SVEP1: variants seen among roughly 807,000 people sequenced by gnomAD.
SVEP1 encodes sushi, von Willebrand factor type A, EGF and pentraxin domain-containing protein 1.
In SVEP1, 164 loss-of-function variants were observed where a neutral mutation model predicts 367.3. The observed-to-expected ratio is 0.45, with a 90% CI of 0.39 to 0.51. The LOEUF (loss-of-function observed/expected upper bound fraction) is 0.51, where lower values mean the gene tolerates loss of function less well. Ranked by LOEUF, SVEP1 falls within the 20% of genes least tolerant of loss-of-function variation. The pLI, the probability that SVEP1 is intolerant of heterozygous loss-of-function variation, is 0.00. For missense variants in SVEP1, 4,117 were observed against 4,425.3 expected, an observed-to-expected ratio of 0.93 and a Z score of 1.98; for synonymous variants, 1,666 against 1,611.6, an observed-to-expected ratio of 1.03 and a Z score of -0.81.
intron 3 of SVEP1, among the ~76,000 whole-genome samples, chr9:110,530,089 C>T (rs190248573): frequency 1.6e-3 from 236 of 152,134 alleles, no homozygotes; most frequent in African/African-American, 5.5e-3. Flanking sequence ...TTATCAAATG[C>T]TTTTTCTCCA....
intron 3 of SVEP1, among the ~76,000 whole-genome samples, chr9:110,515,753 A>C (rs1036100955): frequency 1.3e-5 from 2 of 152,208 alleles, no homozygotes; most frequent in Non-Finnish European, 2.9e-5. Context: ...GAGAGATTCA[A>C]TGACGACTAT....
intron 1 of SVEP1, among the ~76,000 whole-genome samples, chr9:110,562,977 G>C (rs1482323112): frequency 6.6e-6 from 1 of 152,154 alleles, no homozygotes; most frequent in Non-Finnish European, 1.5e-5. Flanking sequence ...TTTTATGTGA[G>C]AAGTTTAGCT....
In SVEP1 at chr9:110,513,067, A is replaced by C; in HGVS notation, c.1162T>G (p.Tyr388Asp). The C allele has an allele frequency of 6.2e-7, 1 of 1,614,000 alleles. No individual in the cohort carries two copies. Among genetic ancestry groups the C allele is most frequent in the Non-Finnish European group, 8.5e-7 (1 of 1,179,868 alleles). Residue 388 changes from tyrosine (Y) to aspartate (D), a missense_variant, in exon 5 of 48, where the codon TAC becomes GAC. This residue lies in a region of SVEP1 where 2,174 missense variants were observed against 2,494.3 expected (regional missense o/e 0.87). Transcript: ENST00000374469. Reference sequence around the variant, plus strand: ...TTGTTGCAAGTGTTTTGGATAAAGTAACCATTTTCGGGAGGCTTCAGGGCA... The same window carrying C: ...TTGTTGCAAGTGTTTTGGATAAAGTCACCATTTTCGGGAGGCTTCAGGGCA... ...CPALKPPENGYFIQNTCNNHF... is the reference protein window; with the variant it reads ...CPALKPPENGDFIQNTCNNHF...
At chr9:110,578,457 T>C (rs1033580422) in intron 1 of SVEP1, among the ~76,000 whole-genome samples, 1 of 152,086 alleles carries the variant, frequency 6.6e-6, no homozygotes, top group Non-Finnish European at 1.5e-5. Flanking sequence ...TGTTTCTTTT[T>C]CCCCCACTGA....
intron 42 of SVEP1, among the ~76,000 whole-genome samples, chr9:110,386,814 C>T (rs796715539): frequency 2.0e-5 from 3 of 152,358 alleles, no homozygotes; most frequent in African/African-American, 4.8e-5. Flanking sequence ...AAACAGTTAA[C>T]AAGAGCAGTC....
At chr9:110,397,787 G>C (rs1246629029) in intron 40 of SVEP1, among the ~76,000 whole-genome samples, 1 of 152,110 alleles carries the variant, frequency 6.6e-6, no homozygotes, top group Non-Finnish European at 1.5e-5. Flanking sequence ...ACTTACAAGG[G>C]ATGTGAAGGG....
intron 29 of SVEP1, 117 bp downstream of exon 29, chr9:110,435,124 G>A (rs1246961757): frequency 8.5e-7 from 1 of 1,175,306 alleles, no homozygotes; most frequent in East Asian, 2.9e-5. Flanking sequence ...GTTACAAAAA[G>A]TAGATTGACA....
chr9:110,447,179 A>G, intron 24 of SVEP1, 122 bp from the exon 25 acceptor site: 1 of 922,038 alleles, frequency 1.1e-6, no homozygotes, highest in Non-Finnish European at 1.5e-6. Flanking sequence ...ACACCAAAAC[A>G]GTGCTTTAAT....
At chr9:110,513,165 T>C (rs75490536) in intron 4 of SVEP1, 60 bp from the exon 5 acceptor site, 2 of 477,994 alleles carry the variant, frequency 4.2e-6, no homozygotes, top group Admixed American at 5.4e-5. Flanking sequence ...TGACATATCC[T>C]TTTTTTTTTT....
chr9:110,390,284 TACATA>T (rs1827626508), intron 40 of SVEP1, among the ~76,000 whole-genome samples: 2 of 52,320 alleles, frequency 3.8e-5, no homozygotes, highest in African/African-American at 2.1e-4. Context: ...CTTATATATA[TACATA>T]CTTATATATA....
chr9:110,451,316 G>C lies in SVEP1; in HGVS notation c.3874C>G (p.Arg1292Gly). 6.2e-7 allele frequency: 1 copy of C among 1,613,670 alleles called. No individual in the cohort carries two copies. The highest frequency in any genetic ancestry group is 8.5e-7 in the Non-Finnish European group (1 of 1,179,728). The change falls in exon 23 of 48, where the codon CGT becomes GGT. Residue 1292 changes from arginine to glycine, a missense_variant. Around this residue, in one of 4 missense-constraint regions of SVEP1, gnomAD observed 2,174 missense variants for 2,494.3 expected, o/e 0.87. Transcript: ENST00000374469. ...GICVDGVAGY[R>G]CTCVKGFVGL... is the part of the protein sequence containing the mutation. Reference sequence around the variant, plus strand: ...ACAAATCCTTTCACACATGTGCAACGATAGCCAGCCACACCATCAACACAG... The same window carrying C: ...ACAAATCCTTTCACACATGTGCAACCATAGCCAGCCACACCATCAACACAG...
chr9:110,470,356 T>G (rs2118666320), intron 16 of SVEP1, among the ~76,000 whole-genome samples: 1 of 152,256 alleles, frequency 6.6e-6, no homozygotes, highest in African/African-American at 2.4e-5. Flanking sequence ...TTACGTGAAC[T>G]TCACCTCAAT....
At chr9:110,401,032 T>G (rs576797793) in intron 39 of SVEP1, 23 bp from the exon 40 acceptor site, 1 of 1,612,056 alleles carries the variant, frequency 6.2e-7, no homozygotes, top group Admixed American at 1.7e-5. Context: ...TAACAAAATG[T>G]AAGTTATGTT....
intron 1 of SVEP1, among the ~76,000 whole-genome samples, chr9:110,572,281 T>A (rs1175540002): frequency 2.0e-5 from 3 of 152,222 alleles, no homozygotes; most frequent in Non-Finnish European, 1.5e-5. Context: ...TTTCCTACCC[T>A]TTGGCCACAG....
intron 29 of SVEP1, among the ~76,000 whole-genome samples, chr9:110,434,818 TAC>T (rs1343648709): frequency 8.5e-5 from 13 of 152,126 alleles, no homozygotes; most frequent in Admixed American, 7.2e-4. Flanking sequence ...GATTTTATGA[TAC>T]AGTTTTGATC....
At chr9:110,501,780 T>G (rs1266553835) in intron 6 of SVEP1, among the ~76,000 whole-genome samples, 1 of 152,164 alleles carries the variant, frequency 6.6e-6, no homozygotes, top group Non-Finnish European at 1.5e-5. Flanking sequence ...AATTTTTATC[T>G]TCTACTAAGC....
At chr9:110,528,798 A>C (rs2118811621) in intron 3 of SVEP1, among the ~76,000 whole-genome samples, 1 of 151,790 alleles carries the variant, frequency 6.6e-6, no homozygotes, top group South Asian at 2.1e-4. Context: ...GCTATGCAGA[A>C]GCTTTAAAAA....
In SVEP1 at chr9:110,471,318, G is replaced by T; in HGVS notation, c.2998+46C>A. ...TAAAATGGCTACACCCATCTCATTT[G>T]ACCCAGTATGCACCAAATATTTTTG... is the stretch of plus-strand genomic sequence containing the variant. On this transcript the variant is annotated intron_variant, in intron 16 of 47. Coordinates refer to ENST00000374469, the MANE Select transcript of SVEP1 (RefSeq NM_153366.4). 2.0e-6 allele frequency: 3 copies of T among 1,506,018 alleles called. No individual in the cohort carries two copies. The South Asian group carries it at 3.5e-5, about 18-fold the overall frequency. 93.3% of individuals were successfully genotyped at this position (1,506,018 alleles called of 1,614,324 possible).
At chr9:110,379,080 T>C (rs1258327821) in intron 44 of SVEP1, among the ~76,000 whole-genome samples, 1 of 152,186 alleles carries the variant, frequency 6.6e-6, no homozygotes, top group African/African-American at 2.4e-5. Context: ...TATTTTATTA[T>C]AAAAGTGTAA....
Sources: gnomAD v4.1 joint callset for allele counts (sites outside exome capture counted in the v4.1 genomes callset) on GRCh38, gnomAD v4.1.1 for gene constraint, gnomAD v4.1.1 regional missense constraint, MANE v1.5 for transcripts, NCBI Gene and HGNC (gene_info 2026-07-23, HGNC 2026-07-21) for gene names.